The following COL11A1 variants were observed in gnomAD, a reference collection of about 807,000 sequenced individuals.
COL11A1 encodes collagen type XI alpha 1 chain.
Under a neutral mutation model 265.2 loss-of-function variants are expected in COL11A1, and 74 were observed. The observed-to-expected ratio is 0.28, with a 90% CI of 0.23 to 0.34. The LOEUF (loss-of-function observed/expected upper bound fraction) is 0.34, where lower values mean the gene tolerates loss of function less well. Ranked by LOEUF, COL11A1 falls within the 10% of genes least tolerant of loss-of-function variation. The probability of loss-of-function intolerance (pLI) is 1.00; values close to 1 mark genes in which losing one functional copy is unlikely to be tolerated. For synonymous variants in COL11A1, 816 were observed against 727.6 expected, an observed-to-expected ratio of 1.12 and a Z score of -1.96; for missense variants, 2,165 against 2,263.6, an observed-to-expected ratio of 0.96 and a Z score of 0.88.
chr1:103,055,048 A>G (rs1354630887), intron 4 of COL11A1, among the ~76,000 whole-genome samples: 1 of 152,228 alleles, frequency 6.6e-6, no homozygotes, highest in Non-Finnish European at 1.5e-5. Flanking sequence ...CAGATGAGGA[A>G]GGAAACAGGG....
chr1:102,965,525 T>C lies in COL11A1; in HGVS notation c.2878A>G (p.Thr960Ala). 1.2e-6 allele frequency: 2 copies of C among 1,613,672 alleles called. No individual in the cohort carries two copies. Among genetic ancestry groups the C allele is most frequent in the Non-Finnish European group, 1.7e-6 (2 of 1,179,726 alleles). Reference sequence around the variant, plus strand: ...ACTCCCCCTGGCCCAGGAGGGCCGGTCTTGCCTTGAAATCCCTAAGGAGGC... The same window carrying C: ...ACTCCCCCTGGCCCAGGAGGGCCGGCCTTGCCTTGAAATCCCTAAGGAGGC... ...QRGETGFQGKTGPPGPGGVVG... is the reference protein window; with the variant it reads ...QRGETGFQGKAGPPGPGGVVG... The change falls in exon 38 of 67, where the codon ACC (threonine) becomes GCC (alanine). Residue 960 changes from threonine to alanine, a missense_variant. Physicochemically the swap from Thr to Ala is moderately conservative, Grantham distance 58. Transcript: ENST00000370096.
rs144966407 is a variant in COL11A1, at chr1:103,026,221, T to C, written c.892A>G (p.Thr298Ala). ...PTVTEETIAQ[T>A]EANIVDDFQE... ...AGGCACTGCTTTGTTTTTACCTCCGTCTGTGCTATTGTCTCCTCAGTTACA... is the reference window on the plus strand; with the variant it reads ...AGGCACTGCTTTGTTTTTACCTCCGCCTGTGCTATTGTCTCCTCAGTTACA... The change falls in exon 6 of 67, where the codon ACG becomes GCG. Residue 298 changes from threonine (T) to alanine (A), a missense_variant. Thr to Ala is a moderately conservative substitution (Grantham distance 58). Transcript: ENST00000370096. The C allele has an allele frequency of 6.9e-5, 111 of 1,608,808 alleles. No individual in the cohort carries two copies. The African/African-American group carries it at 1.4e-3, about 20-fold the overall frequency.
intron 9 of COL11A1, among the ~76,000 whole-genome samples, chr1:103,021,387 T>C (rs1240706158): frequency 2.0e-5 from 3 of 152,156 alleles, no homozygotes; most frequent in Non-Finnish European, 4.4e-5. Context: ...TTATATCTCA[T>C]TGATCAAACA....
At chr1:103,064,020 A>G (rs1365726249) in intron 4 of COL11A1, among the ~76,000 whole-genome samples, 1 of 152,144 alleles carries the variant, frequency 6.6e-6, no homozygotes, top group Non-Finnish European at 1.5e-5. Flanking sequence ...AACATACCAA[A>G]AGAAAATAGG....
At chr1:102,923,462 G>A in intron 46 of COL11A1, 73 bp from the exon 47 acceptor site, 1 of 1,179,064 alleles carries the variant, frequency 8.5e-7, no homozygotes, top group Non-Finnish European at 1.2e-6. Context: ...CAATTTCTAA[G>A]ATAAAATCAA....
chr1:103,093,480 G>C (rs1256647958), intron 1 of COL11A1, among the ~76,000 whole-genome samples: 3 of 152,070 alleles, frequency 2.0e-5, no homozygotes, highest in Non-Finnish European at 2.9e-5. Flanking sequence ...AGAAAGAAAA[G>C]TGAGCACCAG....
At chr1:102,929,116 T>C (rs1357005239) in intron 46 of COL11A1, among the ~76,000 whole-genome samples, 2 of 143,326 alleles carry the variant, frequency 1.4e-5, no homozygotes, top group Non-Finnish European at 3.0e-5. Flanking sequence ...TTTGTCAATT[T>C]TGGCTTTTGT....
intron 54 of COL11A1, among the ~76,000 whole-genome samples, chr1:102,899,851 T>A (rs1008076327): frequency 2.0e-5 from 3 of 152,150 alleles, no homozygotes; most frequent in Non-Finnish European, 2.9e-5. Flanking sequence ...CCTTTTCAGA[T>A]GCCATATTAA....
chr1:103,085,298 C>T (rs1672759799), intron 1 of COL11A1, among the ~76,000 whole-genome samples: 1 of 152,200 alleles, frequency 6.6e-6, no homozygotes, highest in Non-Finnish European at 1.5e-5. Flanking sequence ...CCCCAAATGG[C>T]TGGAGCCCAA....
intron 30 of COL11A1, among the ~76,000 whole-genome samples, chr1:102,985,479 GC>G (rs1332796312): frequency 6.6e-6 from 1 of 152,002 alleles, no homozygotes; most frequent in African/African-American, 2.4e-5. Context: ...AGTTATCACA[GC>G]TTGTTTTACA....
At chr1:103,028,331 G>A (rs1352711559) in intron 5 of COL11A1, among the ~76,000 whole-genome samples, 1 of 152,202 alleles carries the variant, frequency 6.6e-6, no homozygotes, top group Non-Finnish European at 1.5e-5. Flanking sequence ...ACTGCGCCCA[G>A]CCGGCACATC....
intron 28 of COL11A1, among the ~76,000 whole-genome samples, chr1:102,990,334 AT>A (rs199916439): frequency 1.2e-4 from 10 of 84,186 alleles, no homozygotes; most frequent in East Asian, 9.2e-3. Context: ...TTTATATTGT[AT>A]TTTTTTTTAA....
At chr1:102,977,051 C>A (rs1662562198) in intron 35 of COL11A1, among the ~76,000 whole-genome samples, 1 of 152,026 alleles carries the variant, frequency 6.6e-6, no homozygotes, top group Non-Finnish European at 1.5e-5. Context: ...ATATAATGAT[C>A]ATGAGAGAGT....
In COL11A1 at chr1:102,879,775, A is replaced by C; in HGVS notation, c.5182T>G (p.Tyr1728Asp). 1 of 1,613,958 alleles carries C rather than the reference A, an allele frequency of 6.2e-7. No individual in the cohort carries two copies. The highest frequency in any genetic ancestry group is 8.5e-7 in the Non-Finnish European group (1 of 1,179,876). ...AAWYDVSSGS[Y>D]DKALRFLGSN... ...CCCAGGAAGCGAAGTGCTTTGTCAT[A>C]ACTTCCTGATGACACATCATACCAG... The change falls in exon 66 of 67, where the codon TAT (tyrosine) becomes GAT (aspartate). Residue 1728 changes from tyrosine (Y) to aspartate (D), a missense_variant. Coordinates refer to ENST00000370096, the MANE Select transcript of COL11A1 (RefSeq NM_001854.4).
chr1:102,923,442 A>G, intron 46 of COL11A1, 53 bp from the exon 47 acceptor site: 1 of 1,408,356 alleles, frequency 7.1e-7, no homozygotes, highest in South Asian at 1.3e-5. Context: ...TTTAAAAAAA[A>G]AAGTTTGGTC....
intron 1 of COL11A1, among the ~76,000 whole-genome samples, chr1:103,093,740 T>A (rs1673512848): frequency 6.6e-6 from 1 of 152,148 alleles, no homozygotes; most frequent in East Asian, 1.9e-4. Flanking sequence ...CTTTTAAAGT[T>A]CTTTTGATAT....
At chr1:103,003,061 G>A (rs1557930375) in intron 21 of COL11A1, among the ~76,000 whole-genome samples, 154 bp downstream of exon 21, 1 of 151,976 alleles carries the variant, frequency 6.6e-6, no homozygotes, top group East Asian at 1.9e-4. Context: ...AGAAAAGGAG[G>A]GAATGATGAG....
At chr1:102,953,253 C>CT (rs889244873) in intron 41 of COL11A1, among the ~76,000 whole-genome samples, 65 of 151,134 alleles carry the variant, frequency 4.3e-4, no homozygotes, top group African/African-American at 1.3e-3. Context: ...TTTGATTTTT[C>CT]TTTTTTTTTC....
At chr1:102,967,029 C>G (rs1661461796) in intron 37 of COL11A1, among the ~76,000 whole-genome samples, 1 of 151,972 alleles carries the variant, frequency 6.6e-6, no homozygotes, top group Non-Finnish European at 1.5e-5. Flanking sequence ...AGTGCCCATG[C>G]TTAATCAGTT....
Sources: allele counts gnomAD v4.1 joint callset (sites outside exome capture counted in the v4.1 genomes callset), GRCh38; gene constraint gnomAD v4.1.1; transcripts MANE v1.5; gene names NCBI Gene and HGNC (gene_info 2026-07-23, HGNC 2026-07-21).